NCKAP5: variants seen among roughly 807,000 people sequenced by gnomAD.
NCKAP5 encodes the protein NCK associated protein 5.
A neutral mutation model predicts 167.0 loss-of-function variants in NCKAP5; 92 were observed. That is an observed-to-expected ratio of 0.55 (90% CI 0.47 to 0.66). The LOEUF is 0.66. Ranked by LOEUF, NCKAP5 falls within the 30% of genes least tolerant of loss-of-function variation. The probability of loss-of-function intolerance (pLI) is 0.00; values close to 1 mark genes in which losing one functional copy is unlikely to be tolerated. For synonymous variants in NCKAP5, 891 were observed against 877.4 expected (o/e 1.02, Z -0.27); for missense variants, 2,378 against 2,315.0 (o/e 1.03, Z -0.56).
the NCKAP5 span, among the ~76,000 whole-genome samples, chr2:133,639,299 G>A: frequency 6.6e-6 from 1 of 152,178 alleles, no homozygotes; most frequent in Non-Finnish European, 1.5e-5. Flanking sequence ...CTACAATCCA[G>A]CAACTCTATT....
chr2:133,282,124 G>A lies in NCKAP5; in HGVS notation c.143+20913C>T, dbSNP rs1245881323. Among the ~76,000 whole-genome samples, 6 of 152,278 alleles carry A rather than the reference G, an allele frequency of 3.9e-5. No individual in the cohort carries two copies. In the East Asian group the frequency reaches 1.2e-3, roughly 29 times the overall value. ...CCTCCAGCCAAACTAGTTAATTAATGTTTGTGCTTCATTTCCCTCATCTGC... is the reference window on the plus strand; with the variant it reads ...CCTCCAGCCAAACTAGTTAATTAATATTTGTGCTTCATTTCCCTCATCTGC... On this transcript the variant is annotated intron_variant, in intron 4 of 19. Coordinates refer to ENST00000409261, the MANE Select transcript of NCKAP5 (RefSeq NM_207363.3).
chr2:133,345,917 C>A (rs543049172), intron 3 of NCKAP5, among the ~76,000 whole-genome samples: 3 of 152,160 alleles, frequency 2.0e-5, no homozygotes, highest in Admixed American at 6.5e-5. Flanking sequence ...GCCAAAGAAC[C>A]AGGAGTCAAA....
chr2:132,758,659 T>C (rs1680754733), intron 16 of NCKAP5, among the ~76,000 whole-genome samples: 1 of 152,152 alleles, frequency 6.6e-6, no homozygotes, highest in African/African-American at 2.4e-5. Flanking sequence ...TGTCCCTTTC[T>C]TTCCCTCTCT....
chr2:132,859,992 A>C (rs2148710695), intron 11 of NCKAP5, among the ~76,000 whole-genome samples: 1 of 152,254 alleles, frequency 6.6e-6, no homozygotes, highest in South Asian at 2.1e-4. Context: ...GAAAAAGACA[A>C]CCTGTAAAAA....
chr2:132,788,484 G>A (rs62177021), intron 13 of NCKAP5, among the ~76,000 whole-genome samples: 29,579 of 152,194 alleles, frequency 0.19, 3,105 homozygotes, highest in African/African-American at 0.27. Flanking sequence ...GCTCTGCCAT[G>A]TACTGCCTGT....
At chr2:133,177,899 G>A (rs1322451666) in intron 5 of NCKAP5, among the ~76,000 whole-genome samples, 2 of 152,170 alleles carry the variant, frequency 1.3e-5, no homozygotes, top group African/African-American at 2.4e-5. Context: ...GAGGAGGCCT[G>A]GTGGAGAGGC....
chr2:133,558,704 C>CAAAAACAAAAAAAA (rs1687930776), intron 2 of NCKAP5, among the ~76,000 whole-genome samples: 1 of 50,872 alleles, frequency 2.0e-5, no homozygotes, highest in East Asian at 7.2e-4. Context: ...ATGTGCTGAG[C>CAAAAACAAAAAAAA]AAAAAAAAAA....
intron 6 of NCKAP5, among the ~76,000 whole-genome samples, chr2:133,089,642 A>G (rs1214689080): frequency 6.6e-6 from 1 of 152,244 alleles, no homozygotes; most frequent in Non-Finnish European, 1.5e-5. Context: ...GAAACTATGG[A>G]AAACATATCT....
chr2:133,668,486 C>T, the NCKAP5 span, among the ~76,000 whole-genome samples: 6 of 152,050 alleles, frequency 3.9e-5, no homozygotes, highest in South Asian at 2.1e-4. Context: ...GCAATATTAG[C>T]GGGTGCAAAG....
At chr2:133,447,756 G>A (rs1411992853) in intron 3 of NCKAP5, among the ~76,000 whole-genome samples, 1 of 152,072 alleles carries the variant, frequency 6.6e-6, no homozygotes, top group Non-Finnish European at 1.5e-5. Context: ...AAAATGCTGG[G>A]ATTACAGGTG....
At chr2:132,696,714 G>GA (rs897262583) in intron 19 of NCKAP5, among the ~76,000 whole-genome samples, 3 of 151,822 alleles carry the variant, frequency 2.0e-5, no homozygotes, top group Admixed American at 6.6e-5. Flanking sequence ...TTTAAGGAGA[G>GA]AAAAAAAACT....
At chr2:132,955,478 G>T (rs185204929) in intron 8 of NCKAP5, among the ~76,000 whole-genome samples, 29 of 152,298 alleles carry the variant, frequency 1.9e-4, no homozygotes, top group Admixed American at 1.8e-3. Context: ...TCTCTGAAAG[G>T]ACATGAATTC....
intron 8 of NCKAP5, among the ~76,000 whole-genome samples, chr2:132,920,669 A>T (rs1245785643): frequency 1.5e-5 from 2 of 135,050 alleles, no homozygotes; most frequent in Admixed American, 7.8e-5. Flanking sequence ...TTATATATAT[A>T]TATATATATA....
intron 4 of NCKAP5, among the ~76,000 whole-genome samples, chr2:133,271,262 G>C (rs2089500090): frequency 6.6e-6 from 1 of 151,750 alleles, no homozygotes; most frequent in Admixed American, 6.6e-5. Flanking sequence ...TGCTTTGTGT[G>C]TTTTATCAAG....
intron 4 of NCKAP5, among the ~76,000 whole-genome samples, chr2:133,247,435 C>T (rs2088055928): frequency 1.3e-5 from 2 of 152,120 alleles, no homozygotes; most frequent in South Asian, 4.2e-4. Flanking sequence ...TAAGAATTTC[C>T]AAACCCCTTC....
At chr2:133,334,610 C>T (rs1348161309) in intron 3 of NCKAP5, among the ~76,000 whole-genome samples, 1 of 152,100 alleles carries the variant, frequency 6.6e-6, no homozygotes, top group Non-Finnish European at 1.5e-5. Context: ...TTGACCATTT[C>T]TCCGTATATG....
chr2:133,322,783 TC>T (rs894377533), intron 3 of NCKAP5, among the ~76,000 whole-genome samples: 20 of 152,192 alleles, frequency 1.3e-4, no homozygotes, highest in African/African-American at 4.6e-4. Context: ...TGGGGCCAGA[TC>T]AGTGGTTAGC....
chr2:132,713,872 C>T (rs1235357557), intron 19 of NCKAP5, among the ~76,000 whole-genome samples: 1 of 152,156 alleles, frequency 6.6e-6, no homozygotes, highest in African/African-American at 2.4e-5. Flanking sequence ...AGATCCAGAG[C>T]CAGCTTGGCC....
chr2:133,236,949 A>C (rs1002676086), intron 4 of NCKAP5, among the ~76,000 whole-genome samples: 7 of 152,110 alleles, frequency 4.6e-5, no homozygotes, highest in African/African-American at 7.2e-5. Flanking sequence ...TCTCCTCTCC[A>C]TGTCAAGTTA....
Sources: allele counts gnomAD v4.1 joint callset (sites outside exome capture counted in the v4.1 genomes callset), GRCh38; gene constraint gnomAD v4.1.1; transcripts MANE v1.5; gene names NCBI Gene and HGNC (gene_info 2026-07-23, HGNC 2026-07-21).